The following ACBD6 variants were observed in gnomAD, a reference collection of about 807,000 sequenced individuals.
ACBD6 encodes acyl-CoA binding domain containing 6.
Under a neutral mutation model 37.2 loss-of-function variants are expected in ACBD6, and 28 were observed. That is an observed-to-expected ratio of 0.75 (90% CI 0.56 to 1.03). The LOEUF (loss-of-function observed/expected upper bound fraction) is 1.03. Ranked by LOEUF, ACBD6 falls within the 50% of genes least tolerant of loss-of-function variation. ACBD6 has a pLI of 0.00. For missense variants in ACBD6, 340 were observed against 337.4 expected, an observed-to-expected ratio of 1.01 and a Z score of -0.06; for synonymous variants, 113 against 126.8, an observed-to-expected ratio of 0.89 and a Z score of 0.73.
rs571992955 is a variant in ACBD6, at chr1:180,418,408, C to A, written c.468-4937G>T. ...GCCTGGGCAACACAGCAAGACCCTA[C>A]CTCTACAAAAAAAATTTCAAATTAG... On this transcript the variant is annotated intron_variant, in intron 4 of 7. Transcript: ENST00000367595. 5.9e-5 allele frequency among the ~76,000 whole-genome samples: 9 copies of A among 151,868 alleles called. No individual in the cohort carries two copies. The South Asian group carries it at 1.9e-3, about 32-fold the overall frequency.
intron 7 of ACBD6, among the ~76,000 whole-genome samples, chr1:180,298,647 C>T (rs1466742509): frequency 6.6e-6 from 1 of 152,104 alleles, no homozygotes; most frequent in African/African-American, 2.4e-5. Context: ...ATAATAATTC[C>T]CTAACTTGAC....
At chr1:180,279,591 C>G (rs1278233384) in intron 9 of ACBD6, among the ~76,000 whole-genome samples, 1 of 152,214 alleles carries the variant, frequency 6.6e-6, no homozygotes, top group African/African-American at 2.4e-5. Flanking sequence ...AGCCACCATG[C>G]CCGGCCTGTC....
intron 3 of ACBD6, among the ~76,000 whole-genome samples, chr1:180,490,551 A>C (rs1192932118): frequency 6.6e-6 from 1 of 151,826 alleles, no homozygotes; most frequent in Non-Finnish European, 1.5e-5. Flanking sequence ...CGAGGCGGGC[A>C]GATCACGAGG....
At chr1:180,452,149 G>A (rs560455452) in intron 3 of ACBD6, among the ~76,000 whole-genome samples, 11 of 152,172 alleles carry the variant, frequency 7.2e-5, no homozygotes, top group East Asian at 3.9e-4. Flanking sequence ...AGGAGAAAGC[G>A]GGTAAGATCT....
intron 5 of ACBD6, among the ~76,000 whole-genome samples, chr1:180,411,349 A>G (rs1483474992): frequency 6.6e-6 from 1 of 152,236 alleles, no homozygotes; most frequent in Non-Finnish European, 1.5e-5. Flanking sequence ...TGTGGGTATA[A>G]TGCTATCAAA....
At chr1:180,337,366 C>T (rs564521874) in intron 6 of ACBD6, among the ~76,000 whole-genome samples, 4 of 152,144 alleles carry the variant, frequency 2.6e-5, no homozygotes, top group South Asian at 2.1e-4. Context: ...AATCAATAAA[C>T]GTAATCCAGC....
Position 180,502,233 on chromosome 1 carries a change from T to C in ACBD6, c.34A>G (p.Thr12Ala), listed in dbSNP as rs1291173223. 6.2e-7 allele frequency: 1 copy of C among 1,613,690 alleles called. No individual in the cohort carries two copies. The highest frequency in any genetic ancestry group is 8.5e-7 in the Non-Finnish European group (1 of 1,180,044). The change falls in exon 1 of 8, where the codon ACC (threonine) becomes GCC (alanine). Residue 12 changes from threonine to alanine, a missense_variant. Physicochemically the swap from Thr to Ala is moderately conservative, Grantham distance 58 (BLOSUM62 0). Coordinates refer to ENST00000367595, the MANE Select transcript of ACBD6 (RefSeq NM_032360.4). ...CTCAGCTCTCCACCGCTGTCGCCGGTGATGGCCCCCGCGGGCAGGAATGAT... is the reference window on the plus strand; with the variant it reads ...CTCAGCTCTCCACCGCTGTCGCCGGCGATGGCCCCCGCGGGCAGGAATGAT... Reference protein sequence around the residue: ...ASSFLPAGAITGDSGGELSSG... With the variant: ...ASSFLPAGAIAGDSGGELSSG...
chr1:180,395,738 T>C (rs1315890045), intron 6 of ACBD6, among the ~76,000 whole-genome samples: 1 of 152,158 alleles, frequency 6.6e-6, no homozygotes, highest in African/African-American at 2.4e-5. Flanking sequence ...TGGGAAACAA[T>C]ATGGCAATTC....
chr1:180,474,271 T>C (rs1018424556), intron 3 of ACBD6, among the ~76,000 whole-genome samples: 5 of 152,164 alleles, frequency 3.3e-5, no homozygotes, highest in Admixed American at 6.6e-5. Context: ...CTGGAGTATA[T>C]TGCTCTTTAA....
At chr1:180,444,852 T>C (rs1649418936) in intron 3 of ACBD6, among the ~76,000 whole-genome samples, 1 of 152,228 alleles carries the variant, frequency 6.6e-6, no homozygotes, top group African/African-American at 2.4e-5. Flanking sequence ...TAAATCTTTA[T>C]CACTTGATTC....
chr1:180,334,138 G>A (rs903889727), intron 6 of ACBD6, among the ~76,000 whole-genome samples: 1 of 152,196 alleles, frequency 6.6e-6, no homozygotes, highest in African/African-American at 2.4e-5. Flanking sequence ...AGACTTAAAT[G>A]TCCCTGTCTG....
At chr1:180,287,564 A>G (rs1044968984), downstream of ACBD6, among the ~76,000 whole-genome samples, 1 of 147,094 alleles carries the variant, frequency 6.8e-6, no homozygotes, top group African/African-American at 2.5e-5. Context: ...GAGACCTAAC[A>G]GTTCAGATCT....
chr1:180,417,216 T>C (rs1379221303), intron 4 of ACBD6, among the ~76,000 whole-genome samples: 1 of 152,184 alleles, frequency 6.6e-6, no homozygotes, highest in Non-Finnish European at 1.5e-5. Context: ...ATAAATGTAT[T>C]CTTTACTAAA....
At chr1:180,409,394 C>T (rs937723748) in intron 5 of ACBD6, among the ~76,000 whole-genome samples, 2 of 152,148 alleles carry the variant, frequency 1.3e-5, no homozygotes, top group Admixed American at 6.5e-5. Context: ...TGTTCTATTG[C>T]ACTATGCTTC....
intron 1 of ACBD6, among the ~76,000 whole-genome samples, chr1:180,500,326 C>G (rs955693947): frequency 2.0e-5 from 3 of 152,060 alleles, no homozygotes; most frequent in African/African-American, 7.2e-5. Flanking sequence ...TTTTCCTGAA[C>G]TGTTATTTAA....
chr1:180,293,409 G>A (rs1430392065), intron 7 of ACBD6, among the ~76,000 whole-genome samples: 6 of 151,042 alleles, frequency 4.0e-5, no homozygotes, highest in African/African-American at 9.8e-5. Flanking sequence ...CTGGGTTCAA[G>A]CAATTCTCCT....
At chr1:180,482,724 T>C (rs763111467) in intron 3 of ACBD6, among the ~76,000 whole-genome samples, 7 of 152,182 alleles carry the variant, frequency 4.6e-5, no homozygotes, top group Non-Finnish European at 1.0e-4. Context: ...TTCATCTATA[T>C]ATCAGACAAA....
intron 3 of ACBD6, among the ~76,000 whole-genome samples, chr1:180,468,373 G>C (rs1650431457): frequency 6.6e-6 from 1 of 152,156 alleles, no homozygotes. Flanking sequence ...GCTGACGCGG[G>C]TCCTCACACC....
At chr1:180,334,992 C>A (rs1446318559) in intron 6 of ACBD6, among the ~76,000 whole-genome samples, 1 of 152,076 alleles carries the variant, frequency 6.6e-6, no homozygotes, top group African/African-American at 2.4e-5. Context: ...ACAAAGCCTC[C>A]AAGAAATATG....
Sources: gnomAD v4.1 joint callset for allele counts (sites outside exome capture counted in the v4.1 genomes callset) on GRCh38, gnomAD v4.1.1 for gene constraint, MANE v1.5 for transcripts, NCBI Gene and HGNC (gene_info 2026-07-23, HGNC 2026-07-21) for gene names.